Variants in ME3 observed in about 807,000 individuals in gnomAD.
ME3 encodes NADP-dependent malic enzyme, mitochondrial.
Under a neutral mutation model 68.9 loss-of-function variants are expected in ME3, and 48 were observed. The observed-to-expected ratio is 0.70, with a 90% confidence interval of 0.55 to 0.89. The LOEUF is 0.89. ME3 is among the 40% of genes least tolerant of loss of function. The pLI is 0.00. For synonymous variants in ME3, 320 were observed against 318.8 expected, an observed-to-expected ratio of 1.00 and a Z score of -0.04; for missense variants, 675 against 797.4, an observed-to-expected ratio of 0.85 and a Z score of 1.85.
At chr11:86,528,799 T>A (rs888293725) in intron 4 of ME3, among the ~76,000 whole-genome samples, 3 of 152,080 alleles carry the variant, frequency 2.0e-5, no homozygotes, top group Non-Finnish European at 4.4e-5. Flanking sequence ...AGATGTTCTT[T>A]GAAACCAACG....
At chr11:86,612,500 A>C (rs2135204924) in intron 2 of ME3, among the ~76,000 whole-genome samples, 1 of 152,314 alleles carries the variant, frequency 6.6e-6, no homozygotes, top group East Asian at 1.9e-4. Flanking sequence ...TGTCTTCCAC[A>C]ATGGTTGAAC....
At chr11:86,631,525 T>C (rs1944015105) in intron 2 of ME3, among the ~76,000 whole-genome samples, 1 of 152,136 alleles carries the variant, frequency 6.6e-6, no homozygotes, top group African/African-American at 2.4e-5. Context: ...CAGAATCTCC[T>C]TGGTGAACTT....
intron 4 of ME3, among the ~76,000 whole-genome samples, chr11:86,553,076 G>A (rs373636955): frequency 9.2e-5 from 14 of 152,252 alleles, no homozygotes; most frequent in East Asian, 3.9e-4. Context: ...TTCATGGGGC[G>A]TTCCCTCAAG....
At chr11:86,506,853 C>A (rs1283726894) in intron 5 of ME3, among the ~76,000 whole-genome samples, 1 of 152,210 alleles carries the variant, frequency 6.6e-6, no homozygotes, top group Non-Finnish European at 1.5e-5. Flanking sequence ...GCTGGCTTCC[C>A]TTAATGTCCT....
At chr11:86,479,712 A>G (rs1168983044) in intron 7 of ME3, among the ~76,000 whole-genome samples, 1 of 152,190 alleles carries the variant, frequency 6.6e-6, no homozygotes, top group East Asian at 1.9e-4. Flanking sequence ...CTGAGGGTCA[A>G]CACCAAATAG....
At chr11:86,632,839 C>T (rs1207708254) in intron 2 of ME3, among the ~76,000 whole-genome samples, 2 of 152,180 alleles carry the variant, frequency 1.3e-5, no homozygotes, top group East Asian at 3.9e-4. Context: ...CACTGGTCCT[C>T]CATGGGAGCC....
intron 2 of ME3, among the ~76,000 whole-genome samples, chr11:86,623,825 A>T (rs1246025775): frequency 6.6e-6 from 1 of 152,184 alleles, no homozygotes; most frequent in Admixed American, 6.5e-5. Context: ...GTTGTGGAAC[A>T]TACTTTTCCC....
intron 2 of ME3, among the ~76,000 whole-genome samples, chr11:86,603,223 A>G (rs1159919547): frequency 2.6e-5 from 4 of 152,002 alleles, no homozygotes; most frequent in Admixed American, 2.0e-4. Context: ...AATATCCAGA[A>G]TCTACAATGA....
At chr11:86,450,207 T>C in intron 9 of ME3, 94 bp downstream of exon 9, 1 of 1,258,588 alleles carries the variant, frequency 7.9e-7, no homozygotes, top group South Asian at 1.3e-5. Context: ...GCTTCCTCTT[T>C]TCAGAACCCC....
intron 2 of ME3, among the ~76,000 whole-genome samples, chr11:86,561,202 T>G (rs76892651): frequency 0.028 from 4,240 of 151,996 alleles, 199 homozygotes; most frequent in African/African-American, 0.092. Flanking sequence ...CAGTAGTGGG[T>G]TGGTTGTTTT....
At chr11:86,490,421 T>G (rs1951930926) in intron 6 of ME3, among the ~76,000 whole-genome samples, 1 of 152,156 alleles carries the variant, frequency 6.6e-6, no homozygotes, top group Non-Finnish European at 1.5e-5. Flanking sequence ...GCATACATGG[T>G]GCCTACCCTT....
At chr11:86,602,291 G>A (rs1960826346) in intron 2 of ME3, among the ~76,000 whole-genome samples, 1 of 147,294 alleles carries the variant, frequency 6.8e-6, no homozygotes, top group Non-Finnish European at 1.5e-5. Flanking sequence ...AAAATCACAA[G>A]CATTCTTATA....
intron 2 of ME3, among the ~76,000 whole-genome samples, chr11:86,605,052 CTA>C (rs1339223690): frequency 6.6e-6 from 1 of 152,146 alleles, no homozygotes; most frequent in Non-Finnish European, 1.5e-5. Context: ...CTTTCTGTCT[CTA>C]TAGATTTCAC....
chr11:86,482,168 C>CT (rs1213862453), intron 7 of ME3, among the ~76,000 whole-genome samples: 1 of 152,176 alleles, frequency 6.6e-6, no homozygotes, highest in Admixed American at 6.5e-5. Context: ...CAACTCCCAA[C>CT]TTTATGTTTC....
chr11:86,536,140 C>T (rs900470505), intron 4 of ME3, among the ~76,000 whole-genome samples: 1 of 152,196 alleles, frequency 6.6e-6, no homozygotes, highest in Non-Finnish European at 1.5e-5. Context: ...GCTGCCTTGT[C>T]TGTTGCACAG....
At chr11:86,477,451 A>G (rs1430975717) in intron 7 of ME3, among the ~76,000 whole-genome samples, 1 of 146,130 alleles carries the variant, frequency 6.8e-6, no homozygotes, top group Non-Finnish European at 1.5e-5. Flanking sequence ...ATGGTAAGCA[A>G]TTAAATAATT....
intron 6 of ME3, among the ~76,000 whole-genome samples, chr11:86,488,631 C>T (rs12292032): frequency 0.067 from 10,211 of 152,182 alleles, 371 homozygotes; most frequent in Non-Finnish European, 0.084. Flanking sequence ...TGTGAATGAC[C>T]ACTCCTGCTG....
chr11:86,618,183 C>G (rs1943097942), intron 2 of ME3, among the ~76,000 whole-genome samples: 2 of 151,250 alleles, frequency 1.3e-5, no homozygotes, highest in African/African-American at 4.9e-5. Flanking sequence ...ACCTATAACC[C>G]CAGCTACTTG....
At chr11:86,478,487 T>C (rs1450221643) in intron 7 of ME3, among the ~76,000 whole-genome samples, 3 of 152,170 alleles carry the variant, frequency 2.0e-5, no homozygotes, top group African/African-American at 7.2e-5. Flanking sequence ...CAGAGTAGAT[T>C]TCCCTAGGGA....
Sources: gnomAD v4.1 joint callset for allele counts (sites outside exome capture counted in the v4.1 genomes callset) on GRCh38, gnomAD v4.1.1 for gene constraint, MANE v1.5 for transcripts, NCBI Gene and HGNC (gene_info 2026-07-23, HGNC 2026-07-21) for gene names.